The following RABL3 variants were observed in gnomAD, a reference collection of about 807,000 sequenced individuals.
RABL3 encodes the protein rab-like protein 3.
In RABL3, 31 loss-of-function variants were observed where a neutral mutation model predicts 31.8. The ratio of observed to expected loss-of-function variants is 0.97; its 90% CI spans 0.73 to 1.31. RABL3 has a LOEUF of 1.31. Ranked by LOEUF, RABL3 falls within the 40% of genes most tolerant of loss-of-function variation. The pLI is 0.00. For synonymous variants in RABL3, 97 were observed against 99.9 expected, an observed-to-expected ratio of 0.97 and a Z score of 0.18; for missense variants, 263 against 279.6, an observed-to-expected ratio of 0.94 and a Z score of 0.42.
In RABL3 at chr3:120,734,607, T is replaced by A. The variant is rs1165497209; in HGVS notation, c.47-3820A>T. On this transcript the variant is annotated intron_variant, in intron 1 of 7. Coordinates refer to ENST00000273375, the MANE Select transcript of RABL3 (RefSeq NM_173825.5). Reference sequence around the variant, plus strand: ...TGAATAGGAGTGGTGAGAGAGGGCATCCTTGTCTTGTGCCAGTTTTCAAAG... The same window carrying A: ...TGAATAGGAGTGGTGAGAGAGGGCAACCTTGTCTTGTGCCAGTTTTCAAAG... 2.0e-5 allele frequency among the ~76,000 whole-genome samples: 3 copies of A among 152,222 alleles called. No individual in the cohort carries two copies. The East Asian group carries it at 5.8e-4, about 29-fold the overall frequency.
At chr3:120,718,375 C>T (rs1261663554) in intron 2 of RABL3, among the ~76,000 whole-genome samples, 3 of 152,198 alleles carry the variant, frequency 2.0e-5, no homozygotes, top group Admixed American at 6.5e-5. Flanking sequence ...TCTTTAGATG[C>T]TCTGGACCAT....
chr3:120,694,511 A>C (rs773941462), intron 5 of RABL3, among the ~76,000 whole-genome samples: 2 of 152,134 alleles, frequency 1.3e-5, no homozygotes, highest in African/African-American at 2.4e-5. Context: ...TATTTTACTA[A>C]TATCAAAACC....
intron 4 of RABL3, among the ~76,000 whole-genome samples, chr3:120,704,542 T>G (rs967110631): frequency 2.6e-5 from 4 of 152,154 alleles, no homozygotes; most frequent in Admixed American, 6.5e-5. Context: ...TCACTCCTAG[T>G]TAGTACCCTT....
intron 1 of RABL3, among the ~76,000 whole-genome samples, chr3:120,741,991 G>A (rs923786325): frequency 2.6e-5 from 4 of 152,142 alleles, no homozygotes; most frequent in Admixed American, 2.0e-4. Context: ...GACTGTCTCA[G>A]AATTAAATGA....
intron 2 of RABL3, among the ~76,000 whole-genome samples, chr3:120,716,637 AG>A (rs1708673350): frequency 6.6e-6 from 1 of 151,610 alleles, no homozygotes; most frequent in Non-Finnish European, 1.5e-5. Flanking sequence ...TAAAAAAAAA[AG>A]AAAAAAAAAG....
chr3:120,720,573 G>C (rs1004855043), intron 2 of RABL3, among the ~76,000 whole-genome samples: 5 of 152,218 alleles, frequency 3.3e-5, no homozygotes, highest in African/African-American at 1.2e-4. Context: ...TCAATTGGAA[G>C]AAAGGGTATC....
rs1708352692 is a variant in RABL3, at chr3:120,689,376, A to G, written c.*447T>C. 1 of 152,778 alleles carries G rather than the reference A, an allele frequency of 6.5e-6. No individual in the cohort carries two copies. Among genetic ancestry groups the G allele is most frequent in the Non-Finnish European group, 1.5e-5 (1 of 68,474 alleles). The allele number at this position is 152,778 out of a possible 1,614,324, so 9.5% of individuals were successfully genotyped here. A position where few individuals can be genotyped will look rare whatever the true frequency, so the allele number is the denominator to read the frequency against. On this transcript the variant is annotated 3_prime_UTR_variant, in exon 8 of 8. Transcript: ENST00000273375. Reference sequence around the variant, plus strand: ...TGACAGAGATTGTTTGGGGTAGACAACTCAGGGCTGGTTAACAAGACCGTT... The same window carrying G: ...TGACAGAGATTGTTTGGGGTAGACAGCTCAGGGCTGGTTAACAAGACCGTT...
At chr3:120,719,909 G>A (rs1302267729) in intron 2 of RABL3, among the ~76,000 whole-genome samples, 1 of 152,196 alleles carries the variant, frequency 6.6e-6, no homozygotes, top group Admixed American at 6.5e-5. Context: ...CCTGACCCCC[G>A]AGTAGCCTAA....
chr3:120,730,907 T>G, intron 1 of RABL3, 120 bp from the exon 2 acceptor site: 2 of 695,556 alleles, frequency 2.9e-6, no homozygotes, highest in South Asian at 3.2e-5. Context: ...TAGAATGCCA[T>G]ACCAACAATA....
chr3:120,708,292 T>C (rs1322051470), intron 3 of RABL3, among the ~76,000 whole-genome samples: 3 of 151,986 alleles, frequency 2.0e-5, no homozygotes, highest in Non-Finnish European at 4.4e-5. Context: ...ATGCAATTCT[T>C]TCAATAATAT....
intron 1 of RABL3, among the ~76,000 whole-genome samples, chr3:120,739,860 A>G (rs965353205): frequency 6.6e-6 from 1 of 152,216 alleles, no homozygotes; most frequent in Non-Finnish European, 1.5e-5. Context: ...TAGGGTAAAC[A>G]TTTCCAGGCA....
chr3:120,738,248 A>G (rs1236260340), intron 1 of RABL3, among the ~76,000 whole-genome samples: 1 of 152,166 alleles, frequency 6.6e-6, no homozygotes, highest in Middle Eastern at 3.2e-3. Context: ...TGCAGATCTC[A>G]GACTGCTGTG....
chr3:120,736,308 T>C (rs1040490490), intron 1 of RABL3, among the ~76,000 whole-genome samples: 2 of 152,168 alleles, frequency 1.3e-5, no homozygotes, highest in African/African-American at 2.4e-5. Context: ...ATGGCCTTCT[T>C]TGTCTCTTTT....
chr3:120,737,375 A>C (rs1218277176), intron 1 of RABL3, among the ~76,000 whole-genome samples: 4 of 152,214 alleles, frequency 2.6e-5, no homozygotes, highest in Non-Finnish European at 4.4e-5. Context: ...CAGCTCCAAC[A>C]GGTCATTTAA....
At chr3:120,716,720 A>ACAGGTTT (rs1329834954) in intron 2 of RABL3, among the ~76,000 whole-genome samples, 1 of 152,222 alleles carries the variant, frequency 6.6e-6, no homozygotes, top group African/African-American at 2.4e-5. Flanking sequence ...ATCCCTTCGC[A>ACAGGTTT]CAGGTTTCAC....
intron 5 of RABL3, among the ~76,000 whole-genome samples, chr3:120,695,675 A>G (rs1439325475): frequency 6.6e-6 from 1 of 152,184 alleles, no homozygotes; most frequent in African/African-American, 2.4e-5. Context: ...TATTTGAAAT[A>G]GTGTTTGAAC....
intron 1 of RABL3, among the ~76,000 whole-genome samples, chr3:120,736,756 T>C (rs918729273): frequency 1.1e-4 from 16 of 152,206 alleles, no homozygotes; most frequent in Non-Finnish European, 2.2e-4. Flanking sequence ...AGCATTTGCT[T>C]GTCTGTCAAG....
chr3:120,723,841 C>T (rs1396479747), intron 2 of RABL3, among the ~76,000 whole-genome samples: 1 of 151,986 alleles, frequency 6.6e-6, no homozygotes. Context: ...CAGCCAATAT[C>T]ATACTGAATG....
At chr3:120,725,632 T>G (rs1381703301) in intron 2 of RABL3, among the ~76,000 whole-genome samples, 1 of 152,092 alleles carries the variant, frequency 6.6e-6, no homozygotes, top group East Asian at 1.9e-4. Context: ...AAATGATGAG[T>G]TCATGTCCTT....
Sources: gnomAD v4.1 joint callset for allele counts (sites outside exome capture counted in the v4.1 genomes callset) on GRCh38, gnomAD v4.1.1 for gene constraint, MANE v1.5 for transcripts, NCBI Gene and HGNC (gene_info 2026-07-23, HGNC 2026-07-21) for gene names.